Variants in PSMG3 observed in about 807,000 individuals in gnomAD.
The protein encoded by PSMG3 is proteasome assembly chaperone 3.
In PSMG3, 4 loss-of-function variants were observed where a neutral mutation model predicts 7.9. The ratio of observed to expected loss-of-function variants is 0.51; its 90% CI spans 0.25 to 1.16. PSMG3 has a LOEUF of 1.16. Ranked by LOEUF, PSMG3 falls within the 50% of genes most tolerant of loss-of-function variation. The pLI, the probability that PSMG3 is intolerant of heterozygous loss-of-function variation, is 0.15. For missense variants in PSMG3, 151 were observed against 157.4 expected (o/e 0.96, Z 0.22); for synonymous variants, 81 against 69.8 (o/e 1.16, Z -0.80).
chr7:1,568,676 CTCTA>C lies in PSMG3; in HGVS notation c.216+444_216+447del, dbSNP rs1778818744. Among the ~76,000 whole-genome samples the C allele has an allele frequency of 2.0e-5, 3 of 151,602 alleles. No individual in the cohort carries two copies. The South Asian group carries it at 6.3e-4, about 32-fold the overall frequency. ...TTTCCTTTTTTTTTTAAGACCAAGTCTCTATCTGTTACCCAGGCTGGAGTGCTGT... is the reference window on the plus strand; with the variant it reads ...TTTCCTTTTTTTTTTAAGACCAAGTCTCTGTTACCCAGGCTGGAGTGCTGT... On this transcript the variant is annotated intron_variant, in intron 1 of 1. Transcript: ENST00000288607.
Position 1,569,465 on chromosome 7 carries a change from G to T in PSMG3, c.-126C>A. ...ACGGGGCATTGAAACGGAAACGCAA[G>T]GAGGCCCATTCAAAAGAAGGGGCCA... is the stretch of plus-strand genomic sequence containing the variant. On this transcript the variant is annotated 5_prime_UTR_variant, in exon 1 of 2. Transcript: ENST00000288607. The T allele has an allele frequency of 1.3e-6, 1 of 786,286 alleles. No homozygotes were observed. Among genetic ancestry groups the T allele is most frequent in the Non-Finnish European group, 2.0e-6 (1 of 507,338 alleles). 48.7% of individuals were successfully genotyped at this position (786,286 alleles called of 1,614,324 possible).
chr7:1,568,285 T>C (rs954769555), intron 1 of PSMG3, among the ~76,000 whole-genome samples: 3 of 151,900 alleles, frequency 2.0e-5, no homozygotes, highest in Admixed American at 2.0e-4. Context: ...GCCTGCGGGC[T>C]GGACAAAGCA....
At chr7:1,568,208 T>G (rs1265680844) in intron 1 of PSMG3, among the ~76,000 whole-genome samples, 2 of 152,072 alleles carry the variant, frequency 1.3e-5, no homozygotes, top group African/African-American at 4.8e-5. Flanking sequence ...GCTCACGTAA[T>G]GTACCATGGC....
intron 1 of PSMG3, among the ~76,000 whole-genome samples, chr7:1,568,878 C>A (rs962905285): frequency 6.6e-6 from 1 of 152,102 alleles, no homozygotes; most frequent in Admixed American, 6.5e-5. Flanking sequence ...GAACTTCTGA[C>A]CTTAAGTGAT....
Position 1,569,162 on chromosome 7 carries a change from G to C in PSMG3, c.178C>G (p.Pro60Ala). 7 of 1,613,556 alleles carry C rather than the reference G, an allele frequency of 4.3e-6. No individual in the cohort carries two copies. The highest frequency in any genetic ancestry group is 4.2e-6 in the Non-Finnish European group (5 of 1,180,042). The change falls in exon 1 of 2, where the codon CCT (proline) becomes GCT (alanine). Residue 60 changes from proline to alanine, a missense_variant. By Grantham distance (27) the Pro-to-Ala change is conservative. Transcript: ENST00000288607. ...AGAAGGACTTTTGTGGTGAGCACAG[G>C]CTTGCTGACGTCACTGGCCACGCTG... ...PSSVASDVSK[P>A]VLTTKVLLGQ...
rs144724087 is a variant in PSMG3, at chr7:1,569,172, G to A, written c.168C>T (p.Asp56=). The A allele has an allele frequency of 4.6e-5, 75 of 1,613,422 alleles. No individual in the cohort carries two copies. Among genetic ancestry groups the A allele is most frequent in the African/African-American group, 9.3e-5 (7 of 74,932 alleles). Residue 56 remains aspartate (D), a synonymous_variant, in exon 1 of 2, where the codon GAC becomes GAT. Transcript: ENST00000288607. ...VSLEPSSVAS[D]VSKPVLTTKV... is the part of the protein sequence containing the mutation. ...TTGTGGTGAGCACAGGCTTGCTGAC[G>A]TCACTGGCCACGCTGCTGGGCTCCA...
chr7:1,569,285 C>A lies in PSMG3; in HGVS notation c.55G>T (p.Val19Phe), dbSNP rs756874928. The A allele has an allele frequency of 5.0e-6, 8 of 1,613,096 alleles. 1 individual carries two copies. In the East Asian group the frequency reaches 1.1e-4, roughly 22 times the overall value. Reference protein sequence around the residue: ...SKQKTEVVCGVPTQVVCTAFS... With the variant: ...SKQKTEVVCGFPTQVVCTAFS... ...GCCGTACACACCACCTGGGTGGGGA[C>A]CCCGCACACCACCTCCGTCTTCTGC... Residue 19 changes from valine to phenylalanine, a missense_variant, in exon 1 of 2, where the codon GTC (valine) becomes TTC (phenylalanine). Val to Phe is a conservative substitution (Grantham distance 50, BLOSUM62 -1). Transcript: ENST00000288607.
rs763291710 is a variant in PSMG3, at chr7:1,569,147, T to C, written c.193A>G (p.Lys65Glu). The C allele has an allele frequency of 6.2e-6, 10 of 1,613,526 alleles. No individual in the cohort carries two copies. Among genetic ancestry groups the C allele is most frequent in the Non-Finnish European group, 8.5e-6 (10 of 1,180,024 alleles). Reference protein sequence around the residue: ...SDVSKPVLTTKVLLGQDEPLI... With the variant: ...SDVSKPVLTTEVLLGQDEPLI... Reference sequence around the variant, plus strand: ...ACCTCATCCTGCCCCAGAAGGACTTTTGTGGTGAGCACAGGCTTGCTGACG... The same window carrying C: ...ACCTCATCCTGCCCCAGAAGGACTTCTGTGGTGAGCACAGGCTTGCTGACG... The change falls in exon 1 of 2, where the codon AAA becomes GAA. Residue 65 changes from lysine to glutamate, a missense_variant. By Grantham distance (56) the Lys-to-Glu change is moderately conservative (BLOSUM62 1). Transcript: ENST00000288607.
chr7:1,567,641 G>A lies in PSMG3; in HGVS notation c.*57C>T. ...AGGGAGGTGAGACTTGAGTCCCTGA[G>A]TGGGTGTCTGGGTGTTCACGTGTCC... On this transcript the variant is annotated 3_prime_UTR_variant, in exon 2 of 2. Transcript: ENST00000288607. 6.5e-7 allele frequency: 1 copy of A among 1,531,308 alleles called. No individual in the cohort carries two copies. The highest frequency in any genetic ancestry group is 8.8e-7 in the Non-Finnish European group (1 of 1,135,146). 94.9% of individuals were successfully genotyped at this position (1,531,308 alleles called of 1,614,324 possible).
chr7:1,569,344 G>A lies in PSMG3; in HGVS notation c.-5C>T. On this transcript the variant is annotated 5_prime_UTR_variant, in exon 1 of 2. Transcript: ENST00000288607. ...CACCAACGGCGTGTCTTCCATGGCG[G>A]GGCTCTGCAGTGGCAGCTTTAATTT... 1 of 1,595,190 alleles carries A rather than the reference G, an allele frequency of 6.3e-7. No individual in the cohort carries two copies. Among genetic ancestry groups the A allele is most frequent in the Non-Finnish European group, 8.5e-7 (1 of 1,170,080 alleles).
At chr7:1,569,100 C>T (rs999160894) in intron 1 of PSMG3, 24 bp downstream of exon 1, 2 of 1,606,078 alleles carry the variant, frequency 1.2e-6, no homozygotes, top group Non-Finnish European at 1.7e-6. Context: ...GCGTGAGCCA[C>T]AGTTCCCGGC....
At chr7:1,568,208 TGTA>T (rs1234815298) in intron 1 of PSMG3, among the ~76,000 whole-genome samples, 1 of 152,072 alleles carries the variant, frequency 6.6e-6, no homozygotes, top group Non-Finnish European at 1.5e-5. Context: ...GCTCACGTAA[TGTA>T]CCATGGCAGG....
At position 1,567,674 on chromosome 7, in the gene PSMG3, C is replaced by T. The variant is rs776692930; in HGVS notation, c.*24G>A. On this transcript the variant is annotated 3_prime_UTR_variant, in exon 2 of 2. Transcript: ENST00000288607. ...CTGGGTGTTCACGTGTCCTGCTGAG[C>T]AGCGCGGGGCGGCTGCCTCCAGGTC... 1.9e-6 allele frequency: 3 copies of T among 1,603,436 alleles called. No individual in the cohort carries two copies. Among genetic ancestry groups the T allele is most frequent in the Non-Finnish European group, 2.6e-6 (3 of 1,174,566 alleles).
At chr7:1,568,142 G>A (rs945615692) in intron 1 of PSMG3, among the ~76,000 whole-genome samples, 3 of 152,014 alleles carry the variant, frequency 2.0e-5, no homozygotes, top group Admixed American at 6.6e-5. Context: ...CTGCAGAAGC[G>A]AGTGCTGTCG....
Position 1,569,404 on chromosome 7 carries a change from CA to C in PSMG3, c.-66del. On this transcript the variant is annotated 5_prime_UTR_variant, in exon 1 of 2. The change abolishes the stop of an existing upstream ORF in the 5' untranslated region. Coordinates refer to ENST00000288607, the MANE Select transcript of PSMG3 (RefSeq NM_032302.4). ...AGAAAGGGGAAAAAAAGGAGTCAAT[CA>C]AACAGTACAGCCTTGGGGCTCCCAA... is the stretch of plus-strand genomic sequence containing the variant. The C allele has an allele frequency of 7.4e-7, 1 of 1,346,228 alleles. No individual in the cohort carries two copies. The highest frequency in any genetic ancestry group is 1.0e-6 in the Non-Finnish European group (1 of 983,252). The allele number at this position is 1,346,228 out of a possible 1,614,324, so 83.4% of individuals were successfully genotyped here.
rs749531621 is a variant in PSMG3, at chr7:1,569,250, ACTG to A, written c.87_89del (p.Ser30del). 1.9e-6 allele frequency: 3 copies of A among 1,613,748 alleles called. No homozygotes were observed. Among genetic ancestry groups the A allele is most frequent in the Admixed American group, 1.7e-5 (1 of 60,032 alleles). On this transcript the variant is annotated inframe_deletion, in exon 1 of 2. Coordinates refer to ENST00000288607, the MANE Select transcript of PSMG3 (RefSeq NM_032302.4). ...ACTGGGTCACCACCACCAGGATGTG[ACTG>A]CTGAAGGCCGTACACACCACCTGGG...
rs1042367770 is a variant in PSMG3 at position 1,569,106 on chromosome 7, C to T, written c.216+18G>A. On this transcript the variant is annotated intron_variant, in intron 1 of 1. Coordinates refer to ENST00000288607, the MANE Select transcript of PSMG3 (RefSeq NM_032302.4). Reference sequence around the variant, plus strand: ...GGGTTACAGGCGTGAGCCACAGTTCCCGGCCAATCCACTTTACCTCATCCT... The same window carrying T: ...GGGTTACAGGCGTGAGCCACAGTTCTCGGCCAATCCACTTTACCTCATCCT... The T allele has an allele frequency of 6.2e-7, 1 of 1,610,334 alleles. No homozygotes were observed. The highest frequency in any genetic ancestry group is 1.1e-5 in the South Asian group (1 of 90,926).
chr7:1,569,572 G>A lies in PSMG3; in HGVS notation c.-233C>T. The A allele has an allele frequency of 3.1e-6, 1 of 322,690 alleles. No homozygotes were observed. The allele number at this position is 322,690 out of a possible 1,614,324, so 20.0% of individuals were successfully genotyped here. A position where few individuals can be genotyped will look rare whatever the true frequency, so the allele number is the denominator to read the frequency against. On this transcript the variant is annotated 5_prime_UTR_variant, in exon 1 of 2. Coordinates refer to ENST00000288607, the MANE Select transcript of PSMG3 (RefSeq NM_032302.4). The stretch of plus-strand genomic sequence containing the variant: ...CGTTGAGGCCAGGAATTCGAGACCA[G>A]CCTGGCCAACATAGCGAGACCCCCA...
Position 1,569,208 on chromosome 7 carries a change from G to A in PSMG3, c.132C>T (p.Thr44=). The A allele has an allele frequency of 1.2e-6, 2 of 1,613,674 alleles. No individual in the cohort carries two copies. The highest frequency in any genetic ancestry group is 1.1e-5 in the South Asian group (1 of 91,086). The change falls in exon 1 of 2, where the codon ACC becomes ACT. Residue 44 remains threonine, a synonymous_variant. Transcript: ENST00000288607. ...VVVTQFGKMG[T]LVSLEPSSVA... ...CGCTGCTGGGCTCCAGGGAGACCAGGGTGCCCATCTTCCCAAACTGGGTCA... is the reference window on the plus strand; with the variant it reads ...CGCTGCTGGGCTCCAGGGAGACCAGAGTGCCCATCTTCCCAAACTGGGTCA...
Sources: allele counts gnomAD v4.1 joint callset (sites outside exome capture counted in the v4.1 genomes callset), GRCh38; gene constraint gnomAD v4.1.1; transcripts MANE v1.5; gene names NCBI Gene and HGNC (gene_info 2026-07-23, HGNC 2026-07-21).